Variants in ANXA9 observed in about 807,000 individuals in gnomAD.
ANXA9 encodes annexin A9, also known as annexin 31.
ANXA9 carries 47 observed loss-of-function variants against 51.8 expected under a neutral mutation model. The ratio of observed to expected loss-of-function variants is 0.91; its 90% confidence interval spans 0.72 to 1.16. ANXA9 has a LOEUF of 1.16. Among genes scored for constraint, ANXA9 ranks in the 50% most tolerant of loss-of-function variants. The pLI is 0.00. For missense variants in ANXA9, 361 were observed against 424.7 expected (o/e 0.85, Z 1.32); for synonymous variants, 154 against 168.7 (o/e 0.91, Z 0.68).
intron 3 of ANXA9, 61 bp downstream of exon 3, chr1:150,983,241 T>C (rs1158296005): frequency 1.9e-6 from 3 of 1,603,074 alleles, no homozygotes; most frequent in Non-Finnish European, 2.6e-6. Flanking sequence ...TGTGAGAGGA[T>C]GGGAGGCAGG....
upstream of ANXA9, among the ~76,000 whole-genome samples, chr1:150,981,349 C>G (rs926830613): frequency 1.3e-5 from 2 of 152,100 alleles, no homozygotes; most frequent in Admixed American, 1.3e-4. Flanking sequence ...TGAGTGGAGG[C>G]AGGGCTGTAG....
At position 150,995,355 on chromosome 1, in the gene ANXA9, G is replaced by A. The variant is rs1671825869; in HGVS notation, c.*33G>A. 2 of 1,572,264 alleles carry A rather than the reference G, an allele frequency of 1.3e-6. No individual in the cohort carries two copies. The highest frequency in any genetic ancestry group is 2.4e-5 in the East Asian group (1 of 42,092). On this transcript the variant is annotated 3_prime_UTR_variant, in exon 14 of 14. Transcript: ENST00000368947. ...CTGCCCCACCCCACATGACATCCGA[G>A]GATCTGAGATTTCCGTGTTTGGCTG...
upstream of ANXA9, among the ~76,000 whole-genome samples, chr1:150,978,295 G>T (rs985701232): frequency 6.6e-6 from 1 of 151,912 alleles, no homozygotes; most frequent in African/African-American, 2.4e-5. Flanking sequence ...GCTGGGTGTG[G>T]TGGTGGGCCC....
intron 12 of ANXA9, among the ~76,000 whole-genome samples, chr1:150,993,757 T>C (rs975381800): frequency 2.0e-5 from 3 of 151,056 alleles, no homozygotes; most frequent in African/African-American, 7.3e-5. Flanking sequence ...GCCTCAGCCT[T>C]CCAAGTAGCT....
Position 150,986,433 on chromosome 1 carries a change from G to C in ANXA9, c.552+18G>C. ...TGGCCAAGGTGAGGAGGACTGACCTGCAAGGAAGGGAGTCACGTTCACCAG... is the reference window on the plus strand; with the variant it reads ...TGGCCAAGGTGAGGAGGACTGACCTCCAAGGAAGGGAGTCACGTTCACCAG... On this transcript the variant is annotated intron_variant, in intron 8 of 13. Coordinates refer to ENST00000368947, the MANE Select transcript of ANXA9 (RefSeq NM_003568.3). 6.2e-7 allele frequency: 1 copy of C among 1,612,612 alleles called. No individual in the cohort carries two copies. Among genetic ancestry groups the C allele is most frequent in the Non-Finnish European group, 8.5e-7 (1 of 1,178,760 alleles).
chr1:150,994,445 T>C, intron 12 of ANXA9, 132 bp from the exon 13 acceptor site: 4 of 1,359,308 alleles, frequency 2.9e-6, no homozygotes, highest in Non-Finnish European at 4.0e-6. Flanking sequence ...CCCGAGATAA[T>C]GTATAATGTA....
upstream of ANXA9, among the ~76,000 whole-genome samples, chr1:150,980,808 C>T (rs750560672): frequency 2.6e-5 from 4 of 152,122 alleles, no homozygotes; most frequent in South Asian, 6.2e-4. Context: ...TCTCGATCTC[C>T]TGCCTCATGA....
chr1:150,989,288 C>T (rs953536442), intron 12 of ANXA9, among the ~76,000 whole-genome samples: 4 of 151,800 alleles, frequency 2.6e-5, no homozygotes, highest in East Asian at 3.9e-4. Flanking sequence ...CCATATTATC[C>T]GTACTTAAAC....
chr1:150,984,449 C>T, intron 6 of ANXA9, 55 bp downstream of exon 6: 1 of 1,589,828 alleles, frequency 6.3e-7, no homozygotes, highest in Admixed American at 1.7e-5. Context: ...GGCTGTCAGC[C>T]TTGCTTTTGC....
At position 150,983,416 on chromosome 1, in the gene ANXA9, A is replaced by C. The variant is rs1671464546; in HGVS notation, c.154A>C (p.Arg52=). 2 of 1,612,474 alleles carry C rather than the reference A, an allele frequency of 1.2e-6. No homozygotes were observed. The highest frequency in any genetic ancestry group is 1.7e-5 in the Admixed American group (1 of 59,808). The change falls in exon 4 of 14, where the codon AGG becomes CGG. Residue 52 remains arginine (R), a synonymous_variant. Transcript: ENST00000368947. ...SVDKDAQRLL[R]AITGQGVDRS... is the part of the protein sequence containing the mutation. ...GGACAAGGATGCGCAGAGGCTACTG[A>C]GGGCCATTACTGGCCAAGGTGAGCC...
Position 150,983,355 on chromosome 1 carries a change from C to A in ANXA9, c.93C>A (p.Thr31=), listed in dbSNP as rs754627944. ...TCCCACAGACTGCAGCGTGGGGGACCCTGGGCACCCTCAGGACCTTCTTGA... is the reference window on the plus strand; with the variant it reads ...TCCCACAGACTGCAGCGTGGGGGACACTGGGCACCCTCAGGACCTTCTTGA... ...GLASKTAAWG[T]LGTLRTFLNF... Residue 31 remains threonine (T), a synonymous_variant, in exon 4 of 14, where the codon ACC becomes ACA. Coordinates refer to ENST00000368947, the MANE Select transcript of ANXA9 (RefSeq NM_003568.3). The A allele has an allele frequency of 2.5e-6, 4 of 1,614,004 alleles. No homozygotes were observed. Among genetic ancestry groups the A allele is most frequent in the Non-Finnish European group, 1.7e-6 (2 of 1,179,954 alleles).
intron 7 of ANXA9, 85 bp from the exon 8 acceptor site, chr1:150,986,251 A>G (rs1671553647): frequency 8.2e-7 from 1 of 1,213,600 alleles, no homozygotes; most frequent in Admixed American, 1.7e-5. Context: ...GGCAGGGTAT[A>G]GCGGGTCAGG....
At chr1:150,991,032 ACG>A (rs1671684909) in intron 12 of ANXA9, among the ~76,000 whole-genome samples, 2 of 150,568 alleles carry the variant, frequency 1.3e-5, no homozygotes, top group South Asian at 2.1e-4. Context: ...AGTCCCAGCT[ACG>A]CTGGAGGCTA....
Position 150,988,411 on chromosome 1 carries a change from C to T in ANXA9, c.852+70C>T, listed in dbSNP as rs1040996582. The stretch of plus-strand genomic sequence containing the variant: ...GGAGAGAGGAAGTCTCAGCTTGCTG[C>T]TTATGTAACCATCCTATATACACCG... On this transcript the variant is annotated intron_variant, in intron 12 of 13. Transcript: ENST00000368947. 6 of 1,559,882 alleles carry T rather than the reference C, an allele frequency of 3.8e-6. No homozygotes were observed. In the Admixed American group the frequency reaches 8.4e-5, roughly 22 times the overall value.
intron 5 of ANXA9, 27 bp downstream of exon 5, chr1:150,984,096 A>G (rs758360234): frequency 6.2e-7 from 1 of 1,602,412 alleles, no homozygotes; most frequent in South Asian, 1.1e-5. Flanking sequence ...CTCCCACAGC[A>G]GTGGACTGGG....
Position 150,988,359 on chromosome 1 carries a change from T to C in ANXA9, c.852+18T>C. ...CCCTCCAGGTGAGAGGGGCACTCCT[T>C]TCCCTCCCCAGAACAGAAACTGGGG... On this transcript the variant is annotated intron_variant, in intron 12 of 13. Coordinates refer to ENST00000368947, the MANE Select transcript of ANXA9 (RefSeq NM_003568.3). 1 of 1,613,070 alleles carries C rather than the reference T, an allele frequency of 6.2e-7. No individual in the cohort carries two copies. The highest frequency in any genetic ancestry group is 2.2e-5 in the East Asian group (1 of 44,878).
At chr1:150,986,787 A>G in intron 9 of ANXA9, 126 bp downstream of exon 9, 1 of 942,502 alleles carries the variant, frequency 1.1e-6, no homozygotes, top group Non-Finnish European at 1.6e-6. Context: ...TTGGAGAGGG[A>G]GTTCTCAGTT....
At chr1:150,984,744 G>T in intron 7 of ANXA9, 68 bp downstream of exon 7, 1 of 1,380,384 alleles carries the variant, frequency 7.2e-7, no homozygotes, top group Non-Finnish European at 1.0e-6. Context: ...CTCCTCTCCT[G>T]TACTCCCCAT....
chr1:150,987,578 A>T (rs1671596194), intron 9 of ANXA9, among the ~76,000 whole-genome samples: 1 of 150,664 alleles, frequency 6.6e-6, no homozygotes, highest in African/African-American at 2.4e-5. Context: ...AAATACAAAA[A>T]TTAGCCAGGC....
Sources: allele counts gnomAD v4.1 joint callset (sites outside exome capture counted in the v4.1 genomes callset), GRCh38; gene constraint gnomAD v4.1.1; transcripts MANE v1.5; gene names NCBI Gene and HGNC (gene_info 2026-07-23, HGNC 2026-07-21).